The following NDRG4 variants were observed in gnomAD, a reference collection of about 807,000 sequenced individuals.
NDRG4 encodes the protein NDRG family member 4.
Under a neutral mutation model 55.8 loss-of-function variants are expected in NDRG4, and 38 were observed. The ratio of observed to expected loss-of-function variants is 0.68; its 90% CI spans 0.53 to 0.89. The LOEUF is 0.89. NDRG4 is among the 40% of genes least tolerant of loss of function. NDRG4 has a pLI of 0.00. For synonymous variants in NDRG4, 190 were observed against 182.7 expected (o/e 1.04, Z -0.32); for missense variants, 455 against 468.6 (o/e 0.97, Z 0.27).
Position 58,506,134 on chromosome 16 carries a change from G to C in NDRG4, c.373-253G>C, listed in dbSNP as rs750447157. ...TAAGAGCTGATTCTGTTGAAAGAGC[G>C]TGTGTGTGTGTGTGTGTGTGTGTCT... On this transcript the variant is annotated intron_variant, in intron 5 of 14. Coordinates refer to ENST00000570248, the MANE Select transcript of NDRG4 (RefSeq NM_001242835.2). 1.1e-5 allele frequency: 4 copies of C among 354,114 alleles called. No individual in the cohort carries two copies. The East Asian group carries it at 1.5e-4, about 13-fold the overall frequency. 21.9% of individuals were successfully genotyped at this position (354,114 alleles called of 1,614,324 possible). A position where few individuals can be genotyped will look rare whatever the true frequency, so the allele number is the denominator to read the frequency against.
At chr16:58,483,593 CT>C (rs1394870590) in intron 1 of NDRG4, among the ~76,000 whole-genome samples, 1 of 152,198 alleles carries the variant, frequency 6.6e-6, no homozygotes, top group African/African-American at 2.4e-5. Context: ...CATCCCTCCC[CT>C]ATGTACATCA....
At chr16:58,484,334 C>G (rs1035543965) in intron 1 of NDRG4, among the ~76,000 whole-genome samples, 7 of 152,152 alleles carry the variant, frequency 4.6e-5, no homozygotes, top group African/African-American at 1.4e-4. Context: ...GATCGCGCCA[C>G]TGCACTCCAG....
intron 1 of NDRG4, chr16:58,500,877 C>T: frequency 1.5e-6 from 1 of 653,964 alleles, no homozygotes; most frequent in Non-Finnish European, 2.2e-6. Context: ...TCTGCTGCGC[C>T]AGCCGGGCAG....
chr16:58,485,692 A>G (rs1479135704), intron 1 of NDRG4, among the ~76,000 whole-genome samples: 4 of 152,166 alleles, frequency 2.6e-5, no homozygotes, highest in Non-Finnish European at 5.9e-5. Context: ...CTAAAAATAC[A>G]GCCCATCTGC....
chr16:58,502,373 G>T (rs540871713), intron 1 of NDRG4, among the ~76,000 whole-genome samples: 2 of 152,112 alleles, frequency 1.3e-5, no homozygotes, highest in Non-Finnish European at 2.9e-5. Context: ...CAGCCGCATG[G>T]CTCACCCTAA....
At chr16:58,507,081 C>T in intron 8 of NDRG4, 66 bp downstream of exon 8, 1 of 1,260,896 alleles carries the variant, frequency 7.9e-7, no homozygotes, top group Non-Finnish European at 1.1e-6. Flanking sequence ...ACACTGCCCC[C>T]TGAGGGAGGC....
chr16:58,471,249 G>T (rs1219599661), intron 1 of NDRG4, among the ~76,000 whole-genome samples: 2 of 149,176 alleles, frequency 1.3e-5, no homozygotes, highest in Non-Finnish European at 3.0e-5. Context: ...AGGCTGGAGG[G>T]CAGTGTGGCA....
At chr16:58,507,724 C>T (rs949760907) in intron 8 of NDRG4, 84 bp from the exon 9 acceptor site, 3 of 1,345,268 alleles carry the variant, frequency 2.2e-6, no homozygotes, top group Non-Finnish European at 2.1e-6. Context: ...CCTGCTTTAC[C>T]AATTGGCAGT....
chr16:58,514,779 A>C (rs1027334872), downstream of NDRG4, among the ~76,000 whole-genome samples: 2 of 150,446 alleles, frequency 1.3e-5, no homozygotes, highest in African/African-American at 4.9e-5. Flanking sequence ...AAAAAAAAAA[A>C]AACTGAGTGT....
rs1378441966 is a variant in NDRG4 at position 58,504,164 on chromosome 16, C to T, written c.138C>T (p.Cys46=). The T allele has an allele frequency of 6.2e-7, 1 of 1,614,224 alleles. No homozygotes were observed. Among genetic ancestry groups the T allele is most frequent in the Admixed American group, 1.7e-5 (1 of 60,028 alleles). ...YHDVGLNHKL[C]FNTFFNFEDM... The stretch of plus-strand genomic sequence containing the variant: ...AGTGTGTCTTTGCAGACAAACTATG[C>T]TTCAACACCTTCTTCAACTTCGAGG... The change falls in exon 3 of 15, where the codon TGC becomes TGT. Residue 46 remains cysteine, a synonymous_variant. Transcript: ENST00000570248.
intron 2 of NDRG4, chr16:58,494,865 G>A (rs1177371213): frequency 1.3e-5 from 11 of 850,282 alleles, no homozygotes; most frequent in Non-Finnish European, 2.1e-5. Flanking sequence ...AAAGAGAAAA[G>A]ACAGACTAGG....
rs377109711 is a variant in NDRG4 at position 58,475,680 on chromosome 16, T to C, written c.-24+11883T>C. 52 of 455,916 alleles carry C rather than the reference T, an allele frequency of 1.1e-4. No individual in the cohort carries two copies. In the East Asian group the frequency reaches 2.6e-3, roughly 23 times the overall value. 28.2% of individuals were successfully genotyped at this position (455,916 alleles called of 1,614,324 possible). A position where few individuals can be genotyped will look rare whatever the true frequency, so the allele number is the denominator to read the frequency against. On this transcript the variant is annotated intron_variant, in intron 1 of 15. Coordinates refer to the NDRG4 transcript ENST00000258187. Reference sequence around the variant, plus strand: ...CAGGTACCTTGACTCTTTATTTCTATATCACTACTATGCCACCTTTAGAAT... The same window carrying C: ...CAGGTACCTTGACTCTTTATTTCTACATCACTACTATGCCACCTTTAGAAT...
In NDRG4 at chr16:58,503,758, G is replaced by C. The variant is rs1255301700; in HGVS notation, c.22-40G>C. On this transcript the variant is annotated intron_variant, in intron 1 of 14. Transcript: ENST00000570248. ...TCATTCCCCAGAGGAGCCAAGAGCG[G>C]AGGCTGCCCAGAGTGTCCAGCACGG... 4 of 1,612,514 alleles carry C rather than the reference G, an allele frequency of 2.5e-6. No individual in the cohort carries two copies. The East Asian group carries it at 6.7e-5, about 27-fold the overall frequency.
intron 1 of NDRG4, chr16:58,465,081 G>A (rs2031313009): frequency 7.8e-7 from 1 of 1,284,800 alleles, no homozygotes; most frequent in Non-Finnish European, 1.0e-6. Flanking sequence ...GGTGGGAAAG[G>A]GAGCAGGGAC....
chr16:58,514,375 C>T (rs891611446), downstream of NDRG4, among the ~76,000 whole-genome samples: 9 of 152,084 alleles, frequency 5.9e-5, no homozygotes, highest in East Asian at 5.8e-4. Context: ...TACATTAATT[C>T]TACAGAGTAG....
Position 58,464,712 on chromosome 16 carries a change from G to A in NDRG4, c.-24+915G>A. 1.6e-6 allele frequency: 2 copies of A among 1,238,078 alleles called. No individual in the cohort carries two copies. The highest frequency in any genetic ancestry group is 2.0e-6 in the Non-Finnish European group (2 of 979,660). 76.7% of individuals were successfully genotyped at this position (1,238,078 alleles called of 1,614,324 possible). ...CACCGGTCAGGGGGTGGCCCCATGG[G>A]GTCTCTGACCAGCGGAGCTCGGATT... is the stretch of plus-strand genomic sequence containing the variant. On this transcript the variant is annotated intron_variant, in intron 1 of 15. Transcript: ENST00000258187. This position sits in a 1 kb window ranked among gnomAD's most constrained non-coding sequence, Gnocchi z 4.8.
At chr16:58,481,025 A>T (rs1297612969) in intron 1 of NDRG4, among the ~76,000 whole-genome samples, 1 of 151,166 alleles carries the variant, frequency 6.6e-6, no homozygotes, top group Non-Finnish European at 1.5e-5. Flanking sequence ...AAAAAAAAAA[A>T]GATGATAGAG....
chr16:58,503,644 C>T, intron 1 of NDRG4, 154 bp from the exon 2 acceptor site: 1 of 1,463,474 alleles, frequency 6.8e-7, no homozygotes, highest in South Asian at 1.2e-5. Context: ...TCCATTCAGT[C>T]CTCTCTGGGG....
At chr16:58,491,257 C>T (rs1359809472) in intron 2 of NDRG4, among the ~76,000 whole-genome samples, 1 of 151,998 alleles carries the variant, frequency 6.6e-6, no homozygotes, top group African/African-American at 2.4e-5. Context: ...GCCTGGGAGA[C>T]AGAGTAAGAC....
Sources: gnomAD v4.1 joint callset for allele counts (sites outside exome capture counted in the v4.1 genomes callset) on GRCh38, gnomAD v4.1.1 for gene constraint, Gnocchi (gnomAD v3.1) non-coding constraint, MANE v1.5 for transcripts, NCBI Gene and HGNC (gene_info 2026-07-23, HGNC 2026-07-21) for gene names.